Variants in MAST4 observed in about 807,000 individuals in gnomAD.
MAST4 encodes the protein microtubule associated serine/threonine kinase family member 4.
A neutral mutation model predicts 162.7 loss-of-function variants in MAST4; 89 were observed. The observed-to-expected ratio is 0.55, with a 90% CI of 0.46 to 0.65. MAST4 has a LOEUF of 0.65. MAST4 is among the 30% of genes least tolerant of loss of function. The pLI, the probability that MAST4 is intolerant of heterozygous loss-of-function variation, is 0.00. For missense variants in MAST4, 3,153 were observed against 3,374.0 expected (o/e 0.93, Z 1.62); for synonymous variants, 1,479 against 1,361.1 (o/e 1.09, Z -1.91).
At chr5:66,733,377 C>G (rs550622808) in intron 1 of MAST4, among the ~76,000 whole-genome samples, 1 of 152,186 alleles carries the variant, frequency 6.6e-6, no homozygotes, top group South Asian at 2.1e-4. Flanking sequence ...TTCCTTTCTT[C>G]AGATAGATAA....
intron 3 of MAST4, among the ~76,000 whole-genome samples, chr5:66,852,203 C>G (rs918333680): frequency 6.6e-6 from 1 of 152,066 alleles, no homozygotes; most frequent in African/African-American, 2.4e-5. Flanking sequence ...GCTGGAGTGC[C>G]GTGGTGCAAT....
intron 1 of MAST4, among the ~76,000 whole-genome samples, chr5:66,611,359 G>A (rs747778274): frequency 2.0e-5 from 3 of 152,208 alleles, no homozygotes; most frequent in Non-Finnish European, 4.4e-5. Flanking sequence ...GTTTGTGGAC[G>A]GATGTCTGCA....
chr5:66,660,808 A>T (rs1746857454), intron 1 of MAST4, among the ~76,000 whole-genome samples: 1 of 152,252 alleles, frequency 6.6e-6, no homozygotes, highest in South Asian at 2.1e-4. Context: ...AAAGTAATAT[A>T]ATTGAATTCT....
chr5:67,074,298 T>A (rs989958169), intron 5 of MAST4, among the ~76,000 whole-genome samples: 1 of 152,166 alleles, frequency 6.6e-6, no homozygotes, highest in African/African-American at 2.4e-5. Flanking sequence ...CATGGTAATA[T>A]TCATTTCTGA....
intron 7 of MAST4, among the ~76,000 whole-genome samples, chr5:67,096,699 G>C (rs1764501055): frequency 6.6e-6 from 1 of 152,066 alleles, no homozygotes; most frequent in African/African-American, 2.4e-5. Flanking sequence ...AGATTTTCTG[G>C]AGTACCTTTA....
chr5:66,630,007 G>C (rs1360909341), intron 1 of MAST4, among the ~76,000 whole-genome samples: 1 of 152,142 alleles, frequency 6.6e-6, no homozygotes, highest in Admixed American at 6.5e-5. Context: ...TAACTTGTTA[G>C]GTTAGATCTT....
intron 1 of MAST4, among the ~76,000 whole-genome samples, chr5:66,673,587 C>T (rs553129423): frequency 2.8e-5 from 4 of 142,110 alleles, no homozygotes; most frequent in South Asian, 2.3e-4. Flanking sequence ...AGTGACGTGG[C>T]GCGATCACAG....
chr5:66,969,919 A>T (rs1226007233), intron 4 of MAST4, among the ~76,000 whole-genome samples: 1 of 152,136 alleles, frequency 6.6e-6, no homozygotes, highest in African/African-American at 2.4e-5. Context: ...CCAGATGGTA[A>T]TTTCTTTGTA....
intron 1 of MAST4, among the ~76,000 whole-genome samples, chr5:66,696,928 T>C (rs189249074): frequency 5.9e-5 from 9 of 152,330 alleles, no homozygotes; most frequent in African/African-American, 9.6e-5. Context: ...AAATTCTTAA[T>C]TTTATTGTAT....
Position 66,628,222 on chromosome 5 carries a change from T to G in MAST4, c.363+31204T>G, listed in dbSNP as rs924436637. Among the ~76,000 whole-genome samples the G allele has an allele frequency of 4.6e-5, 7 of 151,964 alleles. No homozygotes were observed. In the East Asian group the frequency reaches 1.2e-3, roughly 25 times the overall value. On this transcript the variant is annotated intron_variant, in intron 1 of 28. Coordinates refer to ENST00000403625, the MANE Select transcript of MAST4 (RefSeq NM_001164664.2). ...AAATATTGTTTATTTTTTGTGGAGGTGGGATTTCCGTATGTTGCCTAGGCT... is the reference window on the plus strand; with the variant it reads ...AAATATTGTTTATTTTTTGTGGAGGGGGGATTTCCGTATGTTGCCTAGGCT...
intron 1 of MAST4, among the ~76,000 whole-genome samples, chr5:66,719,013 T>A (rs1455504763): frequency 2.0e-5 from 3 of 152,210 alleles, no homozygotes; most frequent in Non-Finnish European, 4.4e-5. Context: ...CTAAGCAACA[T>A]CCAATTTCCG....
At chr5:67,160,942 G>A (rs1773115647) in intron 27 of MAST4, among the ~76,000 whole-genome samples, 1 of 152,170 alleles carries the variant, frequency 6.6e-6, no homozygotes, top group South Asian at 2.1e-4. Flanking sequence ...CATTTAAAAT[G>A]TCCTTTACGT....
At chr5:66,657,414 G>T (rs771607253) in intron 1 of MAST4, among the ~76,000 whole-genome samples, 2 of 152,170 alleles carry the variant, frequency 1.3e-5, no homozygotes, top group African/African-American at 2.4e-5. Context: ...CATTCTAATT[G>T]TATCCTCATG....
intron 3 of MAST4, among the ~76,000 whole-genome samples, chr5:66,873,279 C>T (rs906371275): frequency 2.6e-5 from 4 of 152,184 alleles, no homozygotes; most frequent in Admixed American, 1.3e-4. Context: ...CCACGGTTTG[C>T]TGTGTGGATA....
chr5:66,808,655 A>G (rs1287840280), intron 3 of MAST4, among the ~76,000 whole-genome samples: 1 of 152,166 alleles, frequency 6.6e-6, no homozygotes, highest in East Asian at 1.9e-4. Flanking sequence ...GGCACAAGAG[A>G]GTGCTTCAGA....
At chr5:67,064,329 G>A (rs370253754) in intron 5 of MAST4, among the ~76,000 whole-genome samples, 26 of 152,252 alleles carry the variant, frequency 1.7e-4, no homozygotes, top group African/African-American at 3.1e-4. Flanking sequence ...TGAGGGAGGC[G>A]TCCATCTTAA....
At chr5:66,867,819 G>A (rs1012273828) in intron 3 of MAST4, among the ~76,000 whole-genome samples, 8 of 152,218 alleles carry the variant, frequency 5.3e-5, no homozygotes, top group Admixed American at 2.0e-4. Context: ...TGTGGGGCTT[G>A]CCCAGATCTA....
intron 1 of MAST4, among the ~76,000 whole-genome samples, chr5:66,611,499 TA>T (rs1387909463): frequency 6.6e-6 from 1 of 152,264 alleles, no homozygotes; most frequent in Non-Finnish European, 1.5e-5. Context: ...TTTGTTCTTC[TA>T]AGAGATGGCA....
At chr5:66,722,560 A>C (rs1751284308) in intron 1 of MAST4, among the ~76,000 whole-genome samples, 1 of 151,596 alleles carries the variant, frequency 6.6e-6, no homozygotes, top group Non-Finnish European at 1.5e-5. Flanking sequence ...CAGGGTAGGG[A>C]TCTGTGTCTC....
Sources: allele counts gnomAD v4.1 joint callset (sites outside exome capture counted in the v4.1 genomes callset), GRCh38; gene constraint gnomAD v4.1.1; transcripts MANE v1.5; gene names NCBI Gene and HGNC (gene_info 2026-07-23, HGNC 2026-07-21).